The following SFR1 variants were observed in gnomAD, a reference collection of about 807,000 sequenced individuals.
SFR1 encodes the protein swi5-dependent recombination DNA repair protein 1 homolog.
A neutral mutation model predicts 26.2 loss-of-function variants in SFR1; 24 were observed. The ratio of observed to expected loss-of-function variants is 0.92; its 90% CI spans 0.66 to 1.29. The LOEUF (loss-of-function observed/expected upper bound fraction) is 1.29, where lower values mean the gene tolerates loss of function less well. Ranked by LOEUF, SFR1 falls within the 50% of genes most tolerant of loss-of-function variation. The pLI, the probability that SFR1 is intolerant of heterozygous loss-of-function variation, is 0.00. For missense variants in SFR1, 276 were observed against 270.2 expected (o/e 1.02, Z -0.15); for synonymous variants, 77 against 96.6 (o/e 0.80, Z 1.19).
rs898038835 is a variant in SFR1 at position 104,125,872 on chromosome 10, TCTC to T, written c.*171_*173del. 5.4e-4 allele frequency: 256 copies of T among 470,168 alleles called. 1 individual carries two copies. The highest frequency in any genetic ancestry group is 1.0e-4 in the Non-Finnish European group (27 of 262,412). 29.1% of individuals were successfully genotyped at this position (470,168 alleles called of 1,614,324 possible). A position where few individuals can be genotyped will look rare whatever the true frequency, so the allele number is the denominator to read the frequency against. ...CCTCTGCCTCTCGGGTTCCAGCAAT[TCTC>T]CTGCCTCAGCCTCCCGAGTAGCTGA... is the stretch of plus-strand genomic sequence containing the variant. On this transcript the variant is annotated 3_prime_UTR_variant, in exon 4 of 4. Coordinates refer to ENST00000369727, the MANE Select transcript of SFR1 (RefSeq NM_001002759.2).
At chr10:104,122,058 A>G, upstream of SFR1, 5 of 1,184,476 alleles carry the variant, frequency 4.2e-6, no homozygotes, top group Non-Finnish European at 6.0e-6. Context: ...CGCTGAGTGA[A>G]GCGGCGCCTC....
chr10:104,120,386 CTT>C (rs1170703802), upstream of SFR1, among the ~76,000 whole-genome samples: 2 of 152,122 alleles, frequency 1.3e-5, no homozygotes, highest in African/African-American at 4.8e-5. Flanking sequence ...TTGGGGTTAA[CTT>C]ATGTAATTTT....
intron 3 of SFR1, among the ~76,000 whole-genome samples, chr10:104,124,709 A>T (rs2087006848): frequency 6.6e-6 from 1 of 152,040 alleles, no homozygotes; most frequent in Non-Finnish European, 1.5e-5. Flanking sequence ...AAGTGATGGG[A>T]TAGTGTATCT....
intron 3 of SFR1, among the ~76,000 whole-genome samples, chr10:104,125,182 G>C (rs2087011782): frequency 6.6e-6 from 1 of 152,140 alleles, no homozygotes; most frequent in Non-Finnish European, 1.5e-5. Context: ...GGAAAGCATA[G>C]TGTCATTTTT....
At chr10:104,120,490 A>C (rs1461138099), upstream of SFR1, among the ~76,000 whole-genome samples, 1 of 152,228 alleles carries the variant, frequency 6.6e-6, no homozygotes, top group Non-Finnish European at 1.5e-5. Flanking sequence ...GGGATCTTAC[A>C]GATCACAGCA....
intron 3 of SFR1, among the ~76,000 whole-genome samples, chr10:104,124,714 G>A (rs1002955706): frequency 3.3e-5 from 5 of 152,016 alleles, no homozygotes; most frequent in African/African-American, 1.2e-4. Context: ...ATGGGATAGT[G>A]TATCTCATTT....
chr10:104,123,745 G>A lies in SFR1; in HGVS notation c.167G>A (p.Arg56Lys), dbSNP rs1468442704. The change falls in exon 3 of 4, where the codon AGG becomes AAG. Residue 56 changes from arginine to lysine, a missense_variant. Arg to Lys is a conservative substitution (Grantham distance 26, BLOSUM62 2). Coordinates refer to ENST00000369727, the MANE Select transcript of SFR1 (RefSeq NM_001002759.2). ...PMSATLRERL[R>K]KTRFSFNSSY... The stretch of plus-strand genomic sequence containing the variant: ...AGTGCAACACTTAGAGAAAGATTAA[G>A]GAAAACAAGATTTTCATTTAATTCC... The A allele has an allele frequency of 4.4e-6, 7 of 1,603,390 alleles. No homozygotes were observed. The African/African-American group carries it at 9.5e-5, about 22-fold the overall frequency.
upstream of SFR1, chr10:104,122,123 G>C: frequency 6.5e-7 from 1 of 1,543,860 alleles, no homozygotes; most frequent in South Asian, 1.2e-5. Flanking sequence ...GCACGGCCCC[G>C]CCCCTGCCAC....
upstream of SFR1, chr10:104,122,032 T>C: frequency 2.2e-6 from 2 of 898,304 alleles, no homozygotes; most frequent in East Asian, 6.0e-5. Context: ...GCGCGCGCAG[T>C]CCCACCGCTC....
Position 104,124,552 on chromosome 10 carries a change from AAT to A in SFR1, c.546+445_546+446del, listed in dbSNP as rs60412949. Among the ~76,000 whole-genome samples, 772 of 147,726 alleles carry A rather than the reference AAT, an allele frequency of 5.2e-3. 6 individuals are homozygous for A. Among genetic ancestry groups the A allele is most frequent in the African/African-American group, 0.013 (523 of 40,640 alleles). The stretch of plus-strand genomic sequence containing the variant: ...GTGATTCAGCCATTTTATTTGAGAA[AAT>A]ATATATATATATATATTATATTTTA... On this transcript the variant is annotated intron_variant, in intron 3 of 3. Coordinates refer to ENST00000369727, the MANE Select transcript of SFR1 (RefSeq NM_001002759.2).
chr10:104,124,932 G>A (rs2087009312), intron 3 of SFR1, among the ~76,000 whole-genome samples: 1 of 152,076 alleles, frequency 6.6e-6, no homozygotes, highest in South Asian at 2.1e-4. Flanking sequence ...TAGTAGCTGG[G>A]ACTACAGACA....
intron 2 of SFR1, chr10:104,123,315 G>T: frequency 2.1e-6 from 1 of 475,506 alleles, no homozygotes; most frequent in Non-Finnish European, 3.7e-6. Context: ...TTTCAGATTA[G>T]GTTATTACAA....
upstream of SFR1, among the ~76,000 whole-genome samples, chr10:104,121,300 GGAGCCT>G (rs2086958404): frequency 6.6e-6 from 1 of 152,156 alleles, no homozygotes; most frequent in South Asian, 2.1e-4. Context: ...GTCACGCTAA[GGAGCCT>G]GCATACTGAG....
intron 3 of SFR1, among the ~76,000 whole-genome samples, chr10:104,125,269 AT>A (rs2087012696): frequency 6.6e-6 from 1 of 152,024 alleles, no homozygotes; most frequent in Admixed American, 6.6e-5. Context: ...CTATTTAATG[AT>A]TTGATTTTTC....
upstream of SFR1, among the ~76,000 whole-genome samples, chr10:104,121,479 A>G (rs1276242766): frequency 6.6e-6 from 1 of 152,196 alleles, no homozygotes; most frequent in Admixed American, 6.5e-5. Flanking sequence ...GCTGGAACCC[A>G]ACGCTGTTCT....
At position 104,124,042 on chromosome 10, in the gene SFR1, A is replaced by G. The variant is rs745497808; in HGVS notation, c.464A>G (p.Glu155Gly). The G allele has an allele frequency of 1.2e-6, 2 of 1,613,870 alleles. No individual in the cohort carries two copies. Among genetic ancestry groups the G allele is most frequent in the African/African-American group, 2.7e-5 (2 of 74,932 alleles). ...EKLPKQRLNA[E>G]KAKLVKQVQE... ...CTTCCTAAACAAAGATTAAACGCTG[A>G]AAAAGCCAAATTGGTGAAGCAGGTT... The change falls in exon 3 of 4, where the codon GAA (glutamate) becomes GGA (glycine). Residue 155 changes from glutamate to glycine, a missense_variant. Physicochemically the swap from Glu to Gly is moderately conservative, Grantham distance 98. Coordinates refer to ENST00000369727, the MANE Select transcript of SFR1 (RefSeq NM_001002759.2).
Position 104,125,540 on chromosome 10 carries a change from A to G in SFR1, c.574A>G (p.Ile192Val). 2.5e-6 allele frequency: 4 copies of G among 1,612,498 alleles called. 1 individual carries two copies. The African/African-American group carries it at 4.0e-5, about 16-fold the overall frequency. Reference protein sequence around the residue: ...KNDLSQLQLLIKKWRSCSQLL... With the variant: ...KNDLSQLQLLVKKWRSCSQLL... ...TGATCTGTCTCAGTTACAGTTGTTA[A>G]TAAAGAAGTGGAGAAGCTGTAGCCA... Residue 192 changes from isoleucine (I) to valine (V), a missense_variant, in exon 4 of 4, where the codon ATA (isoleucine) becomes GTA (valine). Transcript: ENST00000369727.
chr10:104,124,529 G>A (rs960951364), intron 3 of SFR1, among the ~76,000 whole-genome samples: 1 of 150,356 alleles, frequency 6.7e-6, no homozygotes, highest in African/African-American at 2.4e-5. Context: ...TAATTAATGT[G>A]ATTCAGCCAT....
chr10:104,122,071 G>C (rs1348500217), upstream of SFR1: 1 of 1,291,836 alleles, frequency 7.7e-7, no homozygotes, highest in Non-Finnish European at 1.1e-6. Flanking sequence ...GGCGCCTCGC[G>C]CGTCAGGCAA....
Sources: allele counts gnomAD v4.1 joint callset (sites outside exome capture counted in the v4.1 genomes callset), GRCh38; gene constraint gnomAD v4.1.1; transcripts MANE v1.5; gene names NCBI Gene and HGNC (gene_info 2026-07-23, HGNC 2026-07-21).